The following TUBGCP3 variants were observed in gnomAD, a reference collection of about 807,000 sequenced individuals.
TUBGCP3 encodes gamma-tubulin complex component 3.
Under a neutral mutation model 123.1 loss-of-function variants are expected in TUBGCP3, and 50 were observed. The observed-to-expected ratio is 0.41, with a 90% CI of 0.32 to 0.51. The LOEUF (loss-of-function observed/expected upper bound fraction) is 0.51. Among genes scored for constraint, TUBGCP3 ranks in the 20% least tolerant of loss-of-function variants. The probability of loss-of-function intolerance (pLI) is 0.36; values close to 1 mark genes in which losing one functional copy is unlikely to be tolerated. For missense variants in TUBGCP3, 882 were observed against 1,127.0 expected, an observed-to-expected ratio of 0.78 and a Z score of 3.11; for synonymous variants, 405 against 413.9, an observed-to-expected ratio of 0.98 and a Z score of 0.26.
intron 1 of TUBGCP3, among the ~76,000 whole-genome samples, chr13:112,585,228 T>C (rs1054507999): frequency 6.6e-6 from 1 of 152,116 alleles, no homozygotes; most frequent in Non-Finnish European, 1.5e-5. Flanking sequence ...TTCTATGGAG[T>C]TACCAGATAA....
In TUBGCP3 at chr13:112,519,487, A is replaced by C. The variant is rs1212700630; in HGVS notation, c.1881+399T>G. ...AAAAGTCATGTCCTACCAAACTGCA[A>C]CTAAAAGCATCCATTTTCTGATAAA... On this transcript the variant is annotated intron_variant, in intron 15 of 21. Coordinates refer to ENST00000261965, the MANE Select transcript of TUBGCP3 (RefSeq NM_006322.6). The surrounding 1 kb of genome is among the most constrained non-coding windows in gnomAD (Gnocchi z 6.2). Among the ~76,000 whole-genome samples, 1 of 152,256 alleles carries C rather than the reference A, an allele frequency of 6.6e-6. No individual in the cohort carries two copies. Among genetic ancestry groups the C allele is most frequent in the Non-Finnish European group, 1.5e-5 (1 of 68,046 alleles).
rs926677974 is a variant in TUBGCP3, at chr13:112,508,740, C to T, written c.2087-4026G>A. On this transcript the variant is annotated intron_variant, in intron 17 of 21. Coordinates refer to ENST00000261965, the MANE Select transcript of TUBGCP3 (RefSeq NM_006322.6). This position sits in a 1 kb window ranked among gnomAD's most constrained non-coding sequence, Gnocchi z 4.2. Reference sequence around the variant, plus strand: ...TATCCCCCCCAAAGAAGCTCTTCCTCCAGTGCTCCCTGGGTGGTAAAAGAT... The same window carrying T: ...TATCCCCCCCAAAGAAGCTCTTCCTTCAGTGCTCCCTGGGTGGTAAAAGAT... 3.3e-5 allele frequency among the ~76,000 whole-genome samples: 5 copies of T among 152,172 alleles called. 1 individual carries two copies. Among genetic ancestry groups the T allele is most frequent in the African/African-American group, 1.2e-4 (5 of 41,432 alleles).
At chr13:112,596,576 A>G in the TUBGCP3 span, among the ~76,000 whole-genome samples, 1 of 152,088 alleles carries the variant, frequency 6.6e-6, no homozygotes, top group East Asian at 1.9e-4. Flanking sequence ...ATGTCTTGAC[A>G]TGGTTTCCTT....
chr13:112,575,492 A>G (rs1881738819), intron 1 of TUBGCP3, among the ~76,000 whole-genome samples: 2 of 152,228 alleles, frequency 1.3e-5, no homozygotes, highest in South Asian at 4.1e-4. Flanking sequence ...AAAAACAGAC[A>G]TTCACAAATA....
intron 21 of TUBGCP3, 62 bp from the exon 22 acceptor site, chr13:112,486,213 C>T: frequency 6.3e-7 from 1 of 1,585,992 alleles, no homozygotes; most frequent in Non-Finnish European, 8.6e-7. Context: ...AAACGTATTC[C>T]CCGGACCTTA....
At chr13:112,488,659 C>T (rs1417686478) in intron 21 of TUBGCP3, among the ~76,000 whole-genome samples, 3 of 148,664 alleles carry the variant, frequency 2.0e-5, no homozygotes, top group African/African-American at 5.1e-5. Context: ...CAGGTCCCCA[C>T]ATCCCACCAC....
At chr13:112,560,110 GAGAC>G (rs887597903) in intron 3 of TUBGCP3, among the ~76,000 whole-genome samples, 1 of 146,058 alleles carries the variant, frequency 6.8e-6, no homozygotes, top group African/African-American at 2.5e-5. Context: ...ATCCAGCTGG[GAGAC>G]AGAGCAAGAC....
At chr13:112,522,024 G>A (rs1325462625) in intron 14 of TUBGCP3, among the ~76,000 whole-genome samples, 1 of 152,120 alleles carries the variant, frequency 6.6e-6, no homozygotes, top group Non-Finnish European at 1.5e-5. Context: ...AAAGTTAAGT[G>A]TGATTTGACC....
intron 1 of TUBGCP3, among the ~76,000 whole-genome samples, chr13:112,578,496 T>C (rs994263895): frequency 3.6e-5 from 5 of 137,062 alleles, no homozygotes; most frequent in African/African-American, 1.4e-4. Flanking sequence ...GAGGCGGAGC[T>C]TGCAGTGAGC....
chr13:112,576,998 GA>G lies in TUBGCP3; in HGVS notation c.77-7740del, dbSNP rs147386054. Among the ~76,000 whole-genome samples the G allele has an allele frequency of 5.1e-3, 665 of 130,438 alleles. 4 individuals carry two copies. Among genetic ancestry groups the G allele is most frequent in the Middle Eastern group, 0.013 (3 of 230 alleles). The allele number at this position is 130,438 out of a possible 152,430, so 85.6% of individuals were successfully genotyped here. ...AAAAAAAATTCTTAAAAAAAAAAAA[GA>G]AAAAAAAATCACAGAATTGATAAAC... On this transcript the variant is annotated intron_variant, in intron 1 of 21. Coordinates refer to ENST00000261965, the MANE Select transcript of TUBGCP3 (RefSeq NM_006322.6).
intron 12 of TUBGCP3, 126 bp from the exon 13 acceptor site, chr13:112,527,176 G>A (rs1877204624): frequency 4.6e-6 from 4 of 861,496 alleles, no homozygotes; most frequent in Non-Finnish European, 5.4e-6. Context: ...GCTACAGTAT[G>A]GAGCGAATTC....
chr13:112,551,782 A>T (rs544896416), intron 8 of TUBGCP3, among the ~76,000 whole-genome samples: 1 of 152,142 alleles, frequency 6.6e-6, no homozygotes, highest in Non-Finnish European at 1.5e-5. Context: ...AAGATAAAAG[A>T]AGAGCCTCTA....
At chr13:112,575,743 A>T (rs1159515983) in intron 1 of TUBGCP3, among the ~76,000 whole-genome samples, 1 of 152,262 alleles carries the variant, frequency 6.6e-6, no homozygotes, top group Non-Finnish European at 1.5e-5. Flanking sequence ...TATTCAAAGT[A>T]TGTCCTCTAA....
In TUBGCP3 at chr13:112,504,621, T is replaced by C; in HGVS notation, c.2175+5A>G. 1 of 1,612,112 alleles carries C rather than the reference T, an allele frequency of 6.2e-7. No homozygotes were observed. The highest frequency in any genetic ancestry group is 8.5e-7 in the Non-Finnish European group (1 of 1,178,768). On this transcript the variant is annotated splice_donor_5th_base_variant and intron_variant, in intron 18 of 21. Coordinates refer to ENST00000261965, the MANE Select transcript of TUBGCP3 (RefSeq NM_006322.6). ...ACTAAAATCAACACAATGACTGAAG[T>C]GTACCTCAAATGTGATGTAATACTG... is the stretch of plus-strand genomic sequence containing the variant.
chr13:112,495,687 T>C (rs1880484214), intron 20 of TUBGCP3, among the ~76,000 whole-genome samples: 2 of 152,218 alleles, frequency 1.3e-5, no homozygotes, highest in East Asian at 1.9e-4. Context: ...CAAGGGAGAC[T>C]AGGACACAGA....
the TUBGCP3 span, among the ~76,000 whole-genome samples, chr13:112,597,716 T>TAA: frequency 7.0e-6 from 1 of 143,136 alleles, no homozygotes; most frequent in Non-Finnish European, 1.5e-5. Context: ...TAGATACAAC[T>TAA]AAAAAAAAAA....
At chr13:112,560,758 T>C (rs369625777) in intron 3 of TUBGCP3, among the ~76,000 whole-genome samples, 3 of 152,178 alleles carry the variant, frequency 2.0e-5, no homozygotes, top group Admixed American at 6.5e-5. Context: ...CTTTAAAAAA[T>C]TGGTTGACAT....
At chr13:112,549,678 A>C (rs1326728217) in intron 8 of TUBGCP3, among the ~76,000 whole-genome samples, 1 of 152,020 alleles carries the variant, frequency 6.6e-6, no homozygotes, top group Non-Finnish European at 1.5e-5. Flanking sequence ...GAACTTTTCC[A>C]CACATCTCCA....
chr13:112,545,604 G>C lies in TUBGCP3; in HGVS notation c.1335+95C>G. On this transcript the variant is annotated intron_variant, in intron 11 of 21. Coordinates refer to ENST00000261965, the MANE Select transcript of TUBGCP3 (RefSeq NM_006322.6). This position sits in a 1 kb window ranked among gnomAD's most constrained non-coding sequence, Gnocchi z 4.1. ...GGAAGTGCAGTTGCATTCCTGTTAGGAGAACATGGTAATCATGAGGGGAAA... is the reference window on the plus strand; with the variant it reads ...GGAAGTGCAGTTGCATTCCTGTTAGCAGAACATGGTAATCATGAGGGGAAA... 7.0e-7 allele frequency: 1 copy of C among 1,432,932 alleles called. No homozygotes were observed. The highest frequency in any genetic ancestry group is 9.7e-7 in the Non-Finnish European group (1 of 1,030,058). 88.8% of individuals were successfully genotyped at this position (1,432,932 alleles called of 1,614,324 possible). A position where few individuals can be genotyped will look rare whatever the true frequency, so the allele number is the denominator to read the frequency against.
Sources: gnomAD v4.1 joint callset for allele counts (sites outside exome capture counted in the v4.1 genomes callset) on GRCh38, gnomAD v4.1.1 for gene constraint, Gnocchi (gnomAD v3.1) non-coding constraint, MANE v1.5 for transcripts, NCBI Gene and HGNC (gene_info 2026-07-23, HGNC 2026-07-21) for gene names.